The following GABBR2 variants were observed in gnomAD, a reference collection of about 807,000 sequenced individuals.
GABBR2 encodes gamma-aminobutyric acid type B receptor subunit 2.
GABBR2 carries 23 observed loss-of-function variants against 105.6 expected under a neutral mutation model. That is an observed-to-expected ratio of 0.22 (90% CI 0.16 to 0.31). GABBR2 has a LOEUF of 0.31. GABBR2 is among the 10% of genes least tolerant of loss of function. The pLI is 1.00. For synonymous variants in GABBR2, 478 were observed against 499.7 expected, an observed-to-expected ratio of 0.96 and a Z score of 0.58; for missense variants, 734 against 1,245.5, an observed-to-expected ratio of 0.59 and a Z score of 6.18.
intron 4 of GABBR2, among the ~76,000 whole-genome samples, chr9:98,485,957 C>A (rs1030204922): frequency 2.0e-5 from 3 of 152,132 alleles, no homozygotes. Flanking sequence ...ACTCCGGCCC[C>A]CCTGCTGAAA....
chr9:98,308,801 G>A (rs530778503), intron 14 of GABBR2, among the ~76,000 whole-genome samples: 1 of 152,242 alleles, frequency 6.6e-6, no homozygotes, highest in African/African-American at 2.4e-5. Flanking sequence ...AACTAGGAAA[G>A]AATACATTTC....
chr9:98,499,963 GAATC>G (rs1588197433), intron 3 of GABBR2, among the ~76,000 whole-genome samples: 1 of 152,210 alleles, frequency 6.6e-6, no homozygotes, highest in Non-Finnish European at 1.5e-5. Context: ...TGAGGCAGGA[GAATC>G]ACTTGAACCC....
chr9:98,533,944 A>AGAG (rs147089147), intron 3 of GABBR2, among the ~76,000 whole-genome samples: 8,301 of 152,178 alleles, frequency 0.055, 388 homozygotes, highest in African/African-American at 0.13. Context: ...GAGCAGCAGG[A>AGAG]GAGGATGATG....
intron 13 of GABBR2, among the ~76,000 whole-genome samples, chr9:98,318,813 G>C (rs1830766687): frequency 6.6e-6 from 1 of 152,006 alleles, no homozygotes; most frequent in South Asian, 2.1e-4. Context: ...AAATTCCAAA[G>C]TTGATTTTTA....
At chr9:98,350,781 G>A (rs1831385661) in intron 13 of GABBR2, among the ~76,000 whole-genome samples, 2 of 152,124 alleles carry the variant, frequency 1.3e-5, no homozygotes, top group Admixed American at 1.3e-4. Flanking sequence ...CATTAATTCT[G>A]ACACTTCTTT....
chr9:98,438,087 TC>T (rs1825960040), intron 7 of GABBR2, among the ~76,000 whole-genome samples: 1 of 7,470 alleles, frequency 1.3e-4, no homozygotes, highest in Non-Finnish European at 3.6e-4. Context: ...CACACATCTA[TC>T]CATCCATCCA....
intron 4 of GABBR2, among the ~76,000 whole-genome samples, chr9:98,482,359 G>T (rs947566283): frequency 6.6e-6 from 1 of 152,212 alleles, no homozygotes. Context: ...CACTGGCTCT[G>T]AAAGGACTTT....
chr9:98,608,325 G>A (rs1341309083), intron 1 of GABBR2, among the ~76,000 whole-genome samples: 1 of 152,066 alleles, frequency 6.6e-6, no homozygotes, highest in Non-Finnish European at 1.5e-5. Flanking sequence ...AGGGTGTTGT[G>A]TACTTAGAAA....
At chr9:98,706,380 A>C (rs575087008) in intron 1 of GABBR2, among the ~76,000 whole-genome samples, 2 of 152,292 alleles carry the variant, frequency 1.3e-5, no homozygotes, top group South Asian at 4.1e-4. Flanking sequence ...CCTACCCCAA[A>C]GCCCTGGCTC....
chr9:98,314,835 G>A (rs1015374308), intron 13 of GABBR2, among the ~76,000 whole-genome samples: 1 of 152,162 alleles, frequency 6.6e-6, no homozygotes, highest in Non-Finnish European at 1.5e-5. Flanking sequence ...GTTTACCACT[G>A]CTCTACAGAT....
chr9:98,557,990 C>G (rs1463407937), intron 2 of GABBR2, among the ~76,000 whole-genome samples: 1 of 152,188 alleles, frequency 6.6e-6, no homozygotes, highest in African/African-American at 2.4e-5. Flanking sequence ...AAATCTCTAT[C>G]ACCTTCAATT....
chr9:98,561,955 T>C (rs1345262627), intron 2 of GABBR2, among the ~76,000 whole-genome samples: 2 of 152,144 alleles, frequency 1.3e-5, no homozygotes, highest in Non-Finnish European at 2.9e-5. Flanking sequence ...GCATCATAAA[T>C]TGATGCTAAA....
At chr9:98,703,054 G>A (rs1830850817) in intron 1 of GABBR2, among the ~76,000 whole-genome samples, 1 of 152,192 alleles carries the variant, frequency 6.6e-6, no homozygotes, top group Non-Finnish European at 1.5e-5. Flanking sequence ...ATAAACACAT[G>A]ACCCAATTCA....
intron 1 of GABBR2, among the ~76,000 whole-genome samples, chr9:98,702,522 G>A (rs964442013): frequency 2.0e-5 from 3 of 152,106 alleles, no homozygotes; most frequent in South Asian, 2.1e-4. Flanking sequence ...GACATCGCAC[G>A]GCTCCTTGCA....
chr9:98,398,066 C>T (rs547859629), intron 8 of GABBR2, among the ~76,000 whole-genome samples: 8 of 152,124 alleles, frequency 5.3e-5, no homozygotes, highest in African/African-American at 1.2e-4. Flanking sequence ...CAAGGTCAAC[C>T]GGTCTATATG....
At chr9:98,447,315 G>A (rs1351369522) in intron 7 of GABBR2, among the ~76,000 whole-genome samples, 3 of 112,544 alleles carry the variant, frequency 2.7e-5, no homozygotes, top group Non-Finnish European at 2.0e-5. Context: ...CACCCGCCTC[G>A]GCCTCCCAAA....
At chr9:98,450,768 A>G (rs1343235216) in intron 7 of GABBR2, among the ~76,000 whole-genome samples, 3 of 152,214 alleles carry the variant, frequency 2.0e-5, no homozygotes, top group African/African-American at 4.8e-5. Context: ...GGAATTTCCC[A>G]TTAAAAAGAA....
intron 13 of GABBR2, among the ~76,000 whole-genome samples, chr9:98,335,455 C>T (rs7871796): frequency 0.081 from 12,264 of 152,198 alleles, 708 homozygotes; most frequent in African/African-American, 0.16. Context: ...CCTAGAGATT[C>T]GTGAGAGTCT....
At chr9:98,668,037 A>G (rs1388712394) in intron 1 of GABBR2, among the ~76,000 whole-genome samples, 2 of 152,106 alleles carry the variant, frequency 1.3e-5, no homozygotes, top group African/African-American at 4.8e-5. Context: ...TCAATTTGGG[A>G]CCGCCCTGAA....
Sources: allele counts gnomAD v4.1 joint callset (sites outside exome capture counted in the v4.1 genomes callset), GRCh38; gene constraint gnomAD v4.1.1; transcripts MANE v1.5; gene names NCBI Gene and HGNC (gene_info 2026-07-23, HGNC 2026-07-21).